Variants in SPATA6L observed in about 807,000 individuals in gnomAD.
SPATA6L encodes the protein spermatogenesis associated 6 like, also known as spermatogenesis associated 6-like protein.
A neutral mutation model predicts 49.2 loss-of-function variants in SPATA6L; 68 were observed. That is an observed-to-expected ratio of 1.38 (90% confidence interval 1.14 to 1.69). The LOEUF (loss-of-function observed/expected upper bound fraction) is 1.69. Among genes scored for constraint, SPATA6L ranks in the 40% most tolerant of loss-of-function variants. The pLI, the probability that SPATA6L is intolerant of heterozygous loss-of-function variation, is 0.00. For synonymous variants in SPATA6L, 198 were observed against 165.7 expected (o/e 1.19, Z -1.50); for missense variants, 668 against 464.3 (o/e 1.44, Z -4.03).
intron 5 of SPATA6L, 182 bp downstream of exon 5, chr9:4,628,909 C>T (rs1830870228): frequency 5.2e-6 from 3 of 575,070 alleles, no homozygotes; most frequent in Admixed American, 3.2e-5. Context: ...ACCAAACATA[C>T]TCTAATATGA....
intron 10 of SPATA6L, 101 bp from the exon 11 acceptor site, chr9:4,604,370 A>T: frequency 1.4e-6 from 1 of 705,036 alleles, no homozygotes; most frequent in South Asian, 1.7e-5. Flanking sequence ...TGTGCATCCC[A>T]TTTATGCCGT....
intron 3 of SPATA6L, chr9:4,646,409 C>T (rs1835382591): frequency 2.2e-6 from 2 of 914,320 alleles, no homozygotes; most frequent in Admixed American, 3.0e-5. Flanking sequence ...CTCTTAAGTA[C>T]AGTCCCCATT....
At position 4,618,113 on chromosome 9, in the gene SPATA6L, G is replaced by A. The variant is rs371144161; in HGVS notation, c.808-3C>T. On this transcript the variant is annotated splice_region_variant and splice_polypyrimidine_tract_variant and intron_variant, in intron 8 of 11. Coordinates refer to ENST00000682582, the MANE Select transcript of SPATA6L (RefSeq NM_001353486.2). ...CGTTCATCTGGCTCTTTGATAACCTGAGTGACAATATGCATTATTTAGTTG... is the reference window on the plus strand; with the variant it reads ...CGTTCATCTGGCTCTTTGATAACCTAAGTGACAATATGCATTATTTAGTTG... 1 of 1,597,744 alleles carries A rather than the reference G, an allele frequency of 6.3e-7. No homozygotes were observed. Among genetic ancestry groups the A allele is most frequent in the East Asian group, 2.3e-5 (1 of 44,146 alleles).
intron 2 of SPATA6L, among the ~76,000 whole-genome samples, chr9:4,657,919 C>T (rs1838679595): frequency 1.3e-5 from 2 of 152,114 alleles, no homozygotes; most frequent in Admixed American, 6.6e-5. Context: ...GAATTTAAAG[C>T]ACTGGAGCCG....
chr9:4,620,791 C>T (rs9299001), intron 7 of SPATA6L, among the ~76,000 whole-genome samples: 11,135 of 152,194 alleles, frequency 0.073, 1,360 homozygotes, highest in African/African-American at 0.25. Context: ...TGAGTCCCAT[C>T]GTAATAGAGC....
downstream of SPATA6L, among the ~76,000 whole-genome samples, chr9:4,595,405 C>T (rs1249079866): frequency 6.6e-6 from 1 of 152,098 alleles, no homozygotes. Context: ...CAGAGTCTCC[C>T]CACCGCCAGC....
At chr9:4,642,641 A>T (rs190193881) in intron 3 of SPATA6L, among the ~76,000 whole-genome samples, 1 of 152,212 alleles carries the variant, frequency 6.6e-6, no homozygotes. Flanking sequence ...AAGCCTCCTC[A>T]GTCCTCTTTG....
chr9:4,649,409 A>C (rs1303413405), intron 3 of SPATA6L, among the ~76,000 whole-genome samples: 1 of 152,122 alleles, frequency 6.6e-6, no homozygotes, highest in African/African-American at 2.4e-5. Context: ...TGATTTTTTG[A>C]TTATGGTCAG....
At chr9:4,606,218 G>A (rs956881355) in intron 9 of SPATA6L, among the ~76,000 whole-genome samples, 15 of 149,296 alleles carry the variant, frequency 1.0e-4, no homozygotes, top group East Asian at 8.2e-4. Flanking sequence ...AGCGAGGCTG[G>A]GGGAGGGGCG....
At chr9:4,626,471 A>C (rs2130465040) in intron 5 of SPATA6L, 1 of 1,304,362 alleles carries the variant, frequency 7.7e-7, no homozygotes, top group Middle Eastern at 2.1e-4. Flanking sequence ...CCTTCTCCAG[A>C]GGTCTGGGTC....
intron 3 of SPATA6L, among the ~76,000 whole-genome samples, chr9:4,644,664 C>CTCTG (rs1564277836): frequency 2.5e-5 from 3 of 120,880 alleles, no homozygotes; most frequent in African/African-American, 1.1e-4. Flanking sequence ...AGTATTCTCT[C>CTCTG]TCTCTCTCTC....
In SPATA6L at chr9:4,600,491, G is replaced by GAGAGAGAGA; in HGVS notation, c.*319_*320insTCTCTCTCT. On this transcript the variant is annotated 3_prime_UTR_variant, in exon 12 of 12. Coordinates refer to ENST00000682582, the MANE Select transcript of SPATA6L (RefSeq NM_001353486.2). ...AGAGAGACAGAGAGAGCCAGAGAGA[G>GAGAGAGAGA]CCAGAGAGAGAGAGAGGGGAAGTGT... 6.9e-6 allele frequency: 1 copy of GAGAGAGAGA among 144,680 alleles called. No individual in the cohort carries two copies. Among genetic ancestry groups the GAGAGAGAGA allele is most frequent in the African/African-American group, 2.5e-5 (1 of 39,548 alleles). The allele number at this position is 144,680 out of a possible 1,614,324, so 9.0% of individuals were successfully genotyped here.
At position 4,599,010 on chromosome 9, in the gene SPATA6L, C is replaced by T. The variant is rs1822620444; in HGVS notation, c.*1801G>A. On this transcript the variant is annotated 3_prime_UTR_variant, in exon 12 of 12. Transcript: ENST00000682582. ...TTGTTTTTGTATTTTGGAATATTTA[C>T]ATAAACACAATGAAGTATCTTCAGG... Among the ~76,000 whole-genome samples, 1 of 152,198 alleles carries T rather than the reference C, an allele frequency of 6.6e-6. No individual in the cohort carries two copies. Among genetic ancestry groups the T allele is most frequent in the South Asian group, 2.1e-4 (1 of 4,832 alleles).
intron 4 of SPATA6L, among the ~76,000 whole-genome samples, chr9:4,634,481 T>C (rs1195044109): frequency 3.0e-4 from 45 of 152,184 alleles, no homozygotes; most frequent in Admixed American, 2.9e-3. Flanking sequence ...CATGATAAGC[T>C]TCATAGAAAC....
intron 1 of SPATA6L, chr9:4,664,481 C>G (rs1167525577): frequency 6.0e-6 from 1 of 167,024 alleles, no homozygotes; most frequent in African/African-American, 2.4e-5. Context: ...TTACATTGAC[C>G]TTTACATTTA....
intron 1 of SPATA6L, chr9:4,664,856 C>T (rs1166444415): frequency 6.0e-6 from 1 of 167,082 alleles, no homozygotes; most frequent in Non-Finnish European, 1.5e-5. Context: ...ATTTGCATTC[C>T]CACAGCATCC....
intron 5 of SPATA6L, chr9:4,627,118 T>A (rs776359837): frequency 6.6e-6 from 1 of 151,816 alleles, no homozygotes; most frequent in Non-Finnish European, 1.5e-5. Flanking sequence ...TCCCAACACG[T>A]AGGGAGGCTG....
At position 4,628,146 on chromosome 9, in the gene SPATA6L, C is replaced by T. The variant is rs10974662; in HGVS notation, c.429+945G>A. 599 of 175,148 alleles carry T rather than the reference C, an allele frequency of 3.4e-3. 5 individuals carry two copies. The highest frequency in any genetic ancestry group is 0.015 in the African/African-American group (566 of 37,676). 10.8% of individuals were successfully genotyped at this position (175,148 alleles called of 1,614,324 possible). ...AGGGGGAGTGGGGATGGTTAAAGGG[C>T]ACAAAAAAAAAATACAAAGAATGAA... On this transcript the variant is annotated intron_variant, in intron 5 of 11. Coordinates refer to ENST00000682582, the MANE Select transcript of SPATA6L (RefSeq NM_001353486.2).
Position 4,600,407 on chromosome 9 carries a change from T to C in SPATA6L, c.*404A>G, listed in dbSNP as rs1435047268. 6.6e-6 allele frequency: 1 copy of C among 152,326 alleles called. No individual in the cohort carries two copies. The highest frequency in any genetic ancestry group is 1.5e-5 in the Non-Finnish European group (1 of 68,002). 9.4% of individuals were successfully genotyped at this position (152,326 alleles called of 1,614,324 possible). ...GGTTGATAGTCTTTCCTGGAGGATTTATCAGGTTATTCCTGTGAATAGCAA... is the reference window on the plus strand; with the variant it reads ...GGTTGATAGTCTTTCCTGGAGGATTCATCAGGTTATTCCTGTGAATAGCAA... On this transcript the variant is annotated 3_prime_UTR_variant, in exon 12 of 12. Coordinates refer to ENST00000682582, the MANE Select transcript of SPATA6L (RefSeq NM_001353486.2).
Sources: gnomAD v4.1 joint callset for allele counts (sites outside exome capture counted in the v4.1 genomes callset) on GRCh38, gnomAD v4.1.1 for gene constraint, MANE v1.5 for transcripts, NCBI Gene and HGNC (gene_info 2026-07-23, HGNC 2026-07-21) for gene names.